The following SCARA3 variants were observed in gnomAD, a reference collection of about 807,000 sequenced individuals.
The protein encoded by SCARA3 is scavenger receptor class A member 3.
SCARA3 carries 39 observed loss-of-function variants against 47.0 expected under a neutral mutation model. The ratio of observed to expected loss-of-function variants is 0.83; its 90% CI spans 0.64 to 1.08. SCARA3 has a LOEUF of 1.08. SCARA3 is among the 50% of genes least tolerant of loss of function. The pLI is 0.00. For missense variants in SCARA3, 724 were observed against 792.3 expected, an observed-to-expected ratio of 0.91 and a Z score of 1.04; for synonymous variants, 356 against 334.1, an observed-to-expected ratio of 1.07 and a Z score of -0.71.
At position 27,672,511 on chromosome 8, in the gene SCARA3, C is replaced by T. The variant is rs1450850996; in HGVS notation, c.*1160C>T. Reference sequence around the variant, plus strand: ...CAACCCCTTGCAACAGGGCAGCTCTCGCCTCCCGCACACGGCTCTCCTGAT... The same window carrying T: ...CAACCCCTTGCAACAGGGCAGCTCTTGCCTCCCGCACACGGCTCTCCTGAT... On this transcript the variant is annotated 3_prime_UTR_variant, in exon 6 of 6. Coordinates refer to ENST00000301904, the MANE Select transcript of SCARA3 (RefSeq NM_016240.3). 9 of 985,648 alleles carry T rather than the reference C, an allele frequency of 9.1e-6. No homozygotes were observed. The highest frequency in any genetic ancestry group is 3.5e-5 in the African/African-American group (2 of 57,264). 61.1% of individuals were successfully genotyped at this position (985,648 alleles called of 1,614,324 possible).
chr8:27,678,615 A>G (rs1239687234), downstream of SCARA3, among the ~76,000 whole-genome samples: 1 of 152,224 alleles, frequency 6.6e-6, no homozygotes, highest in Non-Finnish European at 1.5e-5. Context: ...TAAGGAACAA[A>G]TAATACAAAT....
At chr8:27,682,076 T>G in the SCARA3 span, among the ~76,000 whole-genome samples, 1 of 152,190 alleles carries the variant, frequency 6.6e-6, no homozygotes, top group African/African-American at 2.4e-5. Context: ...GTGGTATTGA[T>G]GTAAAGACAG....
Position 27,671,656 on chromosome 8 carries a change from ACGCACACACACATG to A in SCARA3, c.*307_*320del. ...CATACATGCATGCACACACACATGC[ACGCACACACACATG>A]CACACATACACGTGCACACATACAC... is the stretch of plus-strand genomic sequence containing the variant. On this transcript the variant is annotated 3_prime_UTR_variant, in exon 6 of 6. Transcript: ENST00000301904. 1.8e-6 allele frequency: 2 copies of A among 1,100,018 alleles called. No individual in the cohort carries two copies. Among genetic ancestry groups the A allele is most frequent in the Non-Finnish European group, 2.2e-6 (2 of 898,700 alleles). 68.1% of individuals were successfully genotyped at this position (1,100,018 alleles called of 1,614,324 possible). A position where few individuals can be genotyped will look rare whatever the true frequency, so the allele number is the denominator to read the frequency against.
Position 27,634,165 on chromosome 8 carries a change from C to T in SCARA3, c.-36C>T. ...GCTCCACTACAGCTCCAGCCGCCTG[C>T]AGCGGGGCCCTCCTGAGGCCCCAGA... On this transcript the variant is annotated 5_prime_UTR_variant, in exon 1 of 6. Coordinates refer to ENST00000301904, the MANE Select transcript of SCARA3 (RefSeq NM_016240.3). The T allele has an allele frequency of 6.9e-7, 1 of 1,447,684 alleles. No individual in the cohort carries two copies. The allele number at this position is 1,447,684 out of a possible 1,614,324, so 89.7% of individuals were successfully genotyped here.
In SCARA3 at chr8:27,659,115, G is replaced by C. The variant is rs778266739; in HGVS notation, c.945G>C (p.Ser315=). 3 of 1,614,040 alleles carry C rather than the reference G, an allele frequency of 1.9e-6. No homozygotes were observed. Among genetic ancestry groups the C allele is most frequent in the Non-Finnish European group, 2.5e-6 (3 of 1,180,014 alleles). The change falls in exon 5 of 6, where the codon TCG becomes TCC. Residue 315 remains serine, a synonymous_variant. Transcript: ENST00000301904. ...TGCAGCTGCAGCTGGATAACATCTC[G>C]TCCTTCCTGGATGACCACGAAGAGA... ...MGLQLQLDNI[S]SFLDDHEENM...
the SCARA3 span, among the ~76,000 whole-genome samples, chr8:27,696,530 G>A: frequency 1.3e-5 from 2 of 151,924 alleles, no homozygotes; most frequent in African/African-American, 2.4e-5. Context: ...GCTCACTGCA[G>A]CCTCAAACTT....
At chr8:27,715,727 C>T in the SCARA3 span, among the ~76,000 whole-genome samples, 1 of 151,386 alleles carries the variant, frequency 6.6e-6, no homozygotes. This position sits in a 1 kb window ranked among gnomAD's most constrained non-coding sequence, Gnocchi z 4.2. Context: ...GAGACAGACA[C>T]AGACAGACAA....
intron 1 of SCARA3, among the ~76,000 whole-genome samples, chr8:27,639,558 C>T (rs1801338681): frequency 1.3e-5 from 2 of 151,984 alleles, no homozygotes; most frequent in African/African-American, 2.4e-5. Flanking sequence ...TGAGGGAGCC[C>T]TAAGCCAGAA....
rs192932597 is a variant in SCARA3 at position 27,637,083 on chromosome 8, A to G, written c.7+2876A>G. On this transcript the variant is annotated intron_variant, in intron 1 of 5. Coordinates refer to ENST00000301904, the MANE Select transcript of SCARA3 (RefSeq NM_016240.3). ...CGTGATGTGATGTGATGTTGTATGGAGAACCGGTGATGGTGGGGAAGGTGA... is the reference window on the plus strand; with the variant it reads ...CGTGATGTGATGTGATGTTGTATGGGGAACCGGTGATGGTGGGGAAGGTGA... Among the ~76,000 whole-genome samples, 481 of 152,334 alleles carry G rather than the reference A, an allele frequency of 3.2e-3. 4 individuals are homozygous for G. The highest frequency in any genetic ancestry group is 0.011 in the African/African-American group (455 of 41,588).
the SCARA3 span, chr8:27,733,340 T>C: frequency 6.6e-6 from 1 of 152,250 alleles, no homozygotes; most frequent in Non-Finnish European, 1.5e-5. Context: ...TAAGCTTTTA[T>C]TATTGTATTT....
chr8:27,691,953 A>G, the SCARA3 span, among the ~76,000 whole-genome samples: 1 of 152,108 alleles, frequency 6.6e-6, no homozygotes, highest in African/African-American at 2.4e-5. Flanking sequence ...TAAACCAAAA[A>G]TAAAGTTCCA....
intron 2 of SCARA3, 72 bp from the exon 3 acceptor site, chr8:27,651,436 A>G (rs1801628480): frequency 1.8e-5 from 28 of 1,558,136 alleles, no homozygotes; most frequent in Non-Finnish European, 2.4e-5. Context: ...CAGAGCAGGA[A>G]CATGGAACTG....
At chr8:27,675,908 G>C (rs1012466594), downstream of SCARA3, among the ~76,000 whole-genome samples, 1 of 152,096 alleles carries the variant, frequency 6.6e-6, no homozygotes, top group African/African-American at 2.4e-5. Flanking sequence ...TGGGGAGGTG[G>C]GGGAGGAACG....
the SCARA3 span, among the ~76,000 whole-genome samples, chr8:27,731,288 G>T: frequency 6.6e-6 from 1 of 151,112 alleles, no homozygotes; most frequent in Non-Finnish European, 1.5e-5. Flanking sequence ...TTTGTAGAGA[G>T]AGGGTCTCAG....
In SCARA3 at chr8:27,672,488, A is replaced by T. The variant is rs892470753; in HGVS notation, c.*1137A>T. On this transcript the variant is annotated 3_prime_UTR_variant, in exon 6 of 6. Coordinates refer to ENST00000301904, the MANE Select transcript of SCARA3 (RefSeq NM_016240.3). The stretch of plus-strand genomic sequence containing the variant: ...GGAGGATTAGGCTGCAGAAGGGCCA[A>T]CCCCTTGCAACAGGGCAGCTCTCGC... The T allele has an allele frequency of 2.9e-5, 29 of 985,502 alleles. No homozygotes were observed. Among genetic ancestry groups the T allele is most frequent in the South Asian group, 1.4e-4 (3 of 21,290 alleles). 61.0% of individuals were successfully genotyped at this position (985,502 alleles called of 1,614,324 possible).
chr8:27,732,763 G>A, the SCARA3 span, among the ~76,000 whole-genome samples: 1 of 152,210 alleles, frequency 6.6e-6, no homozygotes. Context: ...GACTAGAAAT[G>A]CAAACCAAAT....
chr8:27,701,668 A>G, the SCARA3 span: 1 of 147,020 alleles, frequency 6.8e-6, no homozygotes, highest in Non-Finnish European at 1.5e-5. Context: ...CAGTGGTGTG[A>G]TCATAGCCAA....
At chr8:27,665,142 G>A (rs1263037884) in intron 5 of SCARA3, among the ~76,000 whole-genome samples, 1 of 152,214 alleles carries the variant, frequency 6.6e-6, no homozygotes, top group Non-Finnish European at 1.5e-5. Context: ...AAGGTGCCAA[G>A]TCCTGATGGA....
chr8:27,708,283 G>A, the SCARA3 span, among the ~76,000 whole-genome samples: 6 of 152,110 alleles, frequency 3.9e-5, no homozygotes, highest in East Asian at 1.2e-3. Context: ...ACATTATGCA[G>A]GTGAAAATAT....
Sources: allele counts gnomAD v4.1 joint callset (sites outside exome capture counted in the v4.1 genomes callset), GRCh38; gene constraint gnomAD v4.1.1; non-coding constraint Gnocchi (gnomAD v3.1); transcripts MANE v1.5; gene names NCBI Gene and HGNC (gene_info 2026-07-23, HGNC 2026-07-21).